NEK10: variants seen among roughly 807,000 people sequenced by gnomAD.
NEK10 encodes the protein serine/threonine-protein kinase Nek10.
A neutral mutation model predicts 159.8 loss-of-function variants in NEK10; 122 were observed. That is an observed-to-expected ratio of 0.76 (90% CI 0.66 to 0.89). The LOEUF (loss-of-function observed/expected upper bound fraction) is 0.89. Ranked by LOEUF, NEK10 falls within the 40% of genes least tolerant of loss-of-function variation. The pLI is 0.00. For missense variants in NEK10, 1,342 were observed against 1,323.1 expected (o/e 1.01, Z -0.22); for synonymous variants, 466 against 457.1 (o/e 1.02, Z -0.25).
intron 16 of NEK10, among the ~76,000 whole-genome samples, chr3:27,291,956 T>C (rs1179394406): frequency 6.6e-6 from 1 of 152,158 alleles, no homozygotes; most frequent in African/African-American, 2.4e-5. Context: ...ACTTCCCTTT[T>C]GAATGCAGCT....
At chr3:27,324,784 G>T (rs866521002) in intron 5 of NEK10, among the ~76,000 whole-genome samples, 1 of 152,012 alleles carries the variant, frequency 6.6e-6, no homozygotes, top group Non-Finnish European at 1.5e-5. Flanking sequence ...ACCCCATCTC[G>T]TTCAGAATAA....
intron 32 of NEK10, among the ~76,000 whole-genome samples, 183 bp downstream of exon 32, chr3:27,131,697 A>G (rs2125518681): frequency 6.6e-6 from 1 of 152,318 alleles, no homozygotes; most frequent in East Asian, 1.9e-4. Flanking sequence ...TTATCTAAAA[A>G]TAAGGGCCAC....
intron 3 of NEK10, among the ~76,000 whole-genome samples, chr3:27,347,184 T>G (rs1443065781): frequency 6.6e-6 from 1 of 152,224 alleles, no homozygotes; most frequent in Non-Finnish European, 1.5e-5. Flanking sequence ...ACTTGTTGTC[T>G]TATTTCACTG....
chr3:27,121,515 C>T (rs983156404), intron 32 of NEK10, among the ~76,000 whole-genome samples: 1 of 152,054 alleles, frequency 6.6e-6, no homozygotes, highest in Non-Finnish European at 1.5e-5. Context: ...GAAAAAGTCT[C>T]GCAGGATCTG....
intron 32 of NEK10, among the ~76,000 whole-genome samples, chr3:27,129,676 T>C (rs943751766): frequency 6.6e-6 from 1 of 151,980 alleles, no homozygotes; most frequent in Non-Finnish European, 1.5e-5. Flanking sequence ...ATATATCCTA[T>C]CTCCAATTAT....
intron 31 of NEK10, among the ~76,000 whole-genome samples, chr3:27,132,298 A>C (rs1189575711): frequency 6.6e-6 from 1 of 152,232 alleles, no homozygotes; most frequent in Non-Finnish European, 1.5e-5. Context: ...TTTGTGAAGA[A>C]CAGTCTTGAC....
At chr3:27,295,796 T>G in intron 14 of NEK10, 106 bp from the exon 15 acceptor site, 3 of 1,361,618 alleles carry the variant, frequency 2.2e-6, no homozygotes, top group Non-Finnish European at 2.9e-6. Flanking sequence ...GAAGAAATAT[T>G]AGTATAACTA....
At chr3:27,348,656 GC>G (rs1039790701) in intron 3 of NEK10, among the ~76,000 whole-genome samples, 2 of 152,070 alleles carry the variant, frequency 1.3e-5, no homozygotes, top group African/African-American at 4.8e-5. Context: ...ACTTGCCCAG[GC>G]CTTCCTGGAT....
chr3:27,287,629 T>C, intron 20 of NEK10, 69 bp downstream of exon 20: 1 of 1,494,774 alleles, frequency 6.7e-7, no homozygotes, highest in South Asian at 1.3e-5. Flanking sequence ...TTTTGTGACA[T>C]TCTGATACAA....
intron 19 of NEK10, 90 bp downstream of exon 19, chr3:27,290,527 A>C: frequency 1.1e-6 from 1 of 949,826 alleles, no homozygotes; most frequent in South Asian, 1.9e-5. Context: ...ACTAGTTCAT[A>C]AGCAGCATGG....
At chr3:27,146,691 A>C (rs1944327168) in intron 30 of NEK10, among the ~76,000 whole-genome samples, 1 of 152,218 alleles carries the variant, frequency 6.6e-6, no homozygotes, top group Admixed American at 6.5e-5. Flanking sequence ...ATTTCATAGA[A>C]GGTTCACCCA....
At chr3:27,221,296 T>G (rs965100491) in intron 23 of NEK10, among the ~76,000 whole-genome samples, 3 of 152,186 alleles carry the variant, frequency 2.0e-5, no homozygotes, top group African/African-American at 7.2e-5. Flanking sequence ...GTAAAAACTT[T>G]TATAACTCAA....
At chr3:27,142,607 TAAC>T (rs1470678493) in intron 30 of NEK10, among the ~76,000 whole-genome samples, 1 of 152,196 alleles carries the variant, frequency 6.6e-6, no homozygotes, top group East Asian at 1.9e-4. Flanking sequence ...GTTATTGCTT[TAAC>T]AACAGCTAAA....
intron 6 of NEK10, among the ~76,000 whole-genome samples, chr3:27,316,461 T>C (rs948928531): frequency 4.6e-5 from 7 of 152,062 alleles, no homozygotes; most frequent in African/African-American, 1.7e-4. Context: ...CAGAGGACTC[T>C]ATTTTGGACA....
At chr3:27,143,494 G>C in intron 30 of NEK10, 1 of 756,510 alleles carries the variant, frequency 1.3e-6, no homozygotes, top group Non-Finnish European at 2.4e-6. Context: ...AAAACAAAGA[G>C]TTAGCTAGAA....
At chr3:27,130,568 G>A (rs1467766833) in intron 32 of NEK10, among the ~76,000 whole-genome samples, 1 of 152,182 alleles carries the variant, frequency 6.6e-6, no homozygotes, top group East Asian at 1.9e-4. Flanking sequence ...TTATGTCTCA[G>A]ACAGTTTGTA....
At chr3:27,310,117 A>C (rs1020047764) in intron 9 of NEK10, 2 of 152,140 alleles carry the variant, frequency 1.3e-5, no homozygotes, top group African/African-American at 4.8e-5. Flanking sequence ...ATTTCATTTT[A>C]TCTTAATGAA....
intron 6 of NEK10, among the ~76,000 whole-genome samples, chr3:27,318,782 T>C (rs2045400167): frequency 6.6e-6 from 1 of 152,198 alleles, no homozygotes; most frequent in Non-Finnish European, 1.5e-5. Context: ...ATCAAGGTGG[T>C]TGTCTAACAT....
rs1213967603 is a variant in NEK10, at chr3:27,304,814, C to T, written c.961G>A (p.Asp321Asn). ...IVWILVQVCEDPETSVEIRIW... is the reference protein window; with the variant it reads ...IVWILVQVCENPETSVEIRIW... ...CGAATTTCCACGCTGGTCTCAGGGT[C>T]CTCACAAACCTGTACCAGAATCCAG... The change falls in exon 12 of 36, where the codon GAC (aspartate) becomes AAC (asparagine). Residue 321 changes from aspartate to asparagine, a missense_variant. Physicochemically the swap from Asp to Asn is conservative, Grantham distance 23. Transcript: ENST00000691995. 2 of 1,613,884 alleles carry T rather than the reference C, an allele frequency of 1.2e-6. No individual in the cohort carries two copies. The highest frequency in any genetic ancestry group is 1.3e-5 in the African/African-American group (1 of 75,030).
Sources: gnomAD v4.1 joint callset for allele counts (sites outside exome capture counted in the v4.1 genomes callset) on GRCh38, gnomAD v4.1.1 for gene constraint, MANE v1.5 for transcripts, NCBI Gene and HGNC (gene_info 2026-07-23, HGNC 2026-07-21) for gene names.